Variants in XPNPEP3 observed in about 807,000 individuals in gnomAD.
XPNPEP3 encodes xaa-Pro aminopeptidase 3.
A neutral mutation model predicts 60.0 loss-of-function variants in XPNPEP3; 41 were observed. The observed-to-expected ratio is 0.68, with a 90% CI of 0.53 to 0.89. The LOEUF (loss-of-function observed/expected upper bound fraction) is 0.89, where lower values mean the gene tolerates loss of function less well. XPNPEP3 is among the 40% of genes least tolerant of loss of function. XPNPEP3 has a pLI of 0.00. For missense variants in XPNPEP3, 598 were observed against 638.9 expected, an observed-to-expected ratio of 0.94 and a Z score of 0.69; for synonymous variants, 212 against 223.2, an observed-to-expected ratio of 0.95 and a Z score of 0.45.
rs985132850 is a variant in XPNPEP3 at position 40,860,557 on chromosome 22, G to A, written c.64+3312G>A. The A allele has an allele frequency of 1.9e-5, 19 of 977,332 alleles. No individual in the cohort carries two copies. The African/African-American group carries it at 2.2e-4, about 11-fold the overall frequency. 60.5% of individuals were successfully genotyped at this position (977,332 alleles called of 1,614,324 possible). On this transcript the variant is annotated intron_variant, in intron 1 of 9. Coordinates refer to ENST00000357137, the MANE Select transcript of XPNPEP3 (RefSeq NM_022098.4). Reference sequence around the variant, plus strand: ...TTCTAATGCTATGCATGTTTCGTAAGTTTGTATAGTGGTTTTAATTAGAAA... The same window carrying A: ...TTCTAATGCTATGCATGTTTCGTAAATTTGTATAGTGGTTTTAATTAGAAA...
chr22:40,883,300 C>G (rs1314356763), intron 3 of XPNPEP3, among the ~76,000 whole-genome samples: 2 of 152,158 alleles, frequency 1.3e-5, no homozygotes, highest in Non-Finnish European at 2.9e-5. Context: ...CCCCTATCTA[C>G]TGAATCAGAA....
chr22:40,894,183 C>T (rs2058099403), intron 4 of XPNPEP3, among the ~76,000 whole-genome samples: 1 of 152,088 alleles, frequency 6.6e-6, no homozygotes, highest in African/African-American at 2.4e-5. Flanking sequence ...GGCAACACAG[C>T]AAGACTCCGT....
chr22:40,916,041 C>T (rs1219465372), intron 7 of XPNPEP3, among the ~76,000 whole-genome samples: 2 of 152,118 alleles, frequency 1.3e-5, no homozygotes. Flanking sequence ...GCCTGTAATT[C>T]TAGCACTTTG....
chr22:40,870,292 T>G (rs772291545), intron 2 of XPNPEP3: 29 of 298,480 alleles, frequency 9.7e-5, no homozygotes, highest in Non-Finnish European at 1.9e-4. Flanking sequence ...TTTTACATGG[T>G]AAGCTGCATT....
At chr22:40,898,584 A>G (rs2058119271) in intron 4 of XPNPEP3, among the ~76,000 whole-genome samples, 1 of 152,128 alleles carries the variant, frequency 6.6e-6, no homozygotes, top group African/African-American at 2.4e-5. Flanking sequence ...TATATATGGT[A>G]TAAACTAAGG....
At chr22:40,899,680 G>A (rs8143101) in intron 4 of XPNPEP3, among the ~76,000 whole-genome samples, 1,814 of 152,056 alleles carry the variant, frequency 0.012, 40 homozygotes, top group African/African-American at 0.042. Flanking sequence ...TTAGCTGGAT[G>A]TGGTGGTGGG....
rs528812079 is a variant in XPNPEP3 at position 40,899,380 on chromosome 22, C to G, written c.793-8207C>G. ...AGACCTACCAGCGATTCAGAATTCC[C>G]TCCCAATCCATTTTGCTAGCTCGTG... On this transcript the variant is annotated intron_variant, in intron 4 of 9. Transcript: ENST00000357137. Among the ~76,000 whole-genome samples the G allele has an allele frequency of 1.2e-3, 189 of 152,282 alleles. 2 individuals carry two copies. The highest frequency in any genetic ancestry group is 4.5e-3 in the African/African-American group (186 of 41,558).
chr22:40,878,251 C>T (rs995588738), intron 2 of XPNPEP3, among the ~76,000 whole-genome samples: 2 of 150,620 alleles, frequency 1.3e-5, no homozygotes, highest in Admixed American at 6.6e-5. Flanking sequence ...TGCTTTGTTG[C>T]GTTGAGATTT....
chr22:40,898,224 C>CTTTTTTTTT (rs1405343173), intron 4 of XPNPEP3, among the ~76,000 whole-genome samples: 9 of 70,256 alleles, frequency 1.3e-4, no homozygotes, highest in South Asian at 9.6e-4. Context: ...GTCTTTGACC[C>CTTTTTTTTT]ATTTTTTTTT....
chr22:40,914,213 C>T (rs764646024), intron 6 of XPNPEP3, 26 bp from the exon 7 acceptor site: 2 of 1,593,086 alleles, frequency 1.3e-6, no homozygotes, highest in Middle Eastern at 1.7e-4. Context: ...AGCTTATCCA[C>T]TTTAACCTGT....
chr22:40,919,176 A>G (rs2058207255), intron 7 of XPNPEP3, among the ~76,000 whole-genome samples: 1 of 152,222 alleles, frequency 6.6e-6, no homozygotes, highest in Non-Finnish European at 1.5e-5. Flanking sequence ...GAAATTCACC[A>G]GGTAGACTTA....
chr22:40,907,515 C>T (rs2058161059), intron 4 of XPNPEP3, 72 bp from the exon 5 acceptor site: 6 of 1,459,356 alleles, frequency 4.1e-6, no homozygotes, highest in Non-Finnish European at 5.8e-6. Context: ...ATTTGAGCTC[C>T]AGTATTTTGA....
rs1472139489 is a variant in XPNPEP3 at position 40,929,215 on chromosome 22, G to C, written c.*2780G>C. On this transcript the variant is annotated 3_prime_UTR_variant, in exon 10 of 10. Transcript: ENST00000357137. ...TTCTTTTTTTTTTTTTTTTTGAGAC[G>C]GAGTCTCACACTGTCACCGGGGCTG... The C allele has an allele frequency of 7.2e-6, 1 of 138,872 alleles. No homozygotes were observed. The highest frequency in any genetic ancestry group is 1.5e-5 in the Non-Finnish European group (1 of 65,532). 8.6% of individuals were successfully genotyped at this position (138,872 alleles called of 1,614,324 possible).
At chr22:40,892,589 G>A (rs2058092249) in intron 4 of XPNPEP3, among the ~76,000 whole-genome samples, 1 of 152,162 alleles carries the variant, frequency 6.6e-6, no homozygotes, top group African/African-American at 2.4e-5. Context: ...CTTATTTTGA[G>A]TGTGGGAACA....
chr22:40,872,063 C>T (rs1161720521), intron 2 of XPNPEP3, among the ~76,000 whole-genome samples: 1 of 152,090 alleles, frequency 6.6e-6, no homozygotes, highest in Non-Finnish European at 1.5e-5. Flanking sequence ...AATTACTGGG[C>T]CAGTTCCTCT....
intron 4 of XPNPEP3, among the ~76,000 whole-genome samples, chr22:40,887,190 G>A (rs2058072734): frequency 6.6e-6 from 1 of 152,118 alleles, no homozygotes; most frequent in African/African-American, 2.4e-5. Flanking sequence ...GTTTATTATA[G>A]GAAAAGGGTA....
At chr22:40,864,904 A>G (rs1032930950) in intron 1 of XPNPEP3, among the ~76,000 whole-genome samples, 1 of 152,192 alleles carries the variant, frequency 6.6e-6, no homozygotes, top group Admixed American at 6.5e-5. Context: ...CCCCTACTGA[A>G]GATGGAGTTG....
chr22:40,894,923 C>A (rs748706774), intron 4 of XPNPEP3, among the ~76,000 whole-genome samples: 2 of 152,082 alleles, frequency 1.3e-5, no homozygotes, highest in Non-Finnish European at 2.9e-5. Flanking sequence ...TAGTGACAGC[C>A]CAAGAATCAA....
At chr22:40,858,593 G>T (rs1418087937) in intron 1 of XPNPEP3, among the ~76,000 whole-genome samples, 1 of 140,672 alleles carries the variant, frequency 7.1e-6, no homozygotes, top group African/African-American at 2.7e-5. Context: ...GCAGTGGCGC[G>T]ATCTCTTGCC....
Sources: allele counts gnomAD v4.1 joint callset (sites outside exome capture counted in the v4.1 genomes callset), GRCh38; gene constraint gnomAD v4.1.1; transcripts MANE v1.5; gene names NCBI Gene and HGNC (gene_info 2026-07-23, HGNC 2026-07-21).